CDIN1: variants seen among roughly 807,000 people sequenced by gnomAD.
CDIN1 encodes the protein CDAN1-interacting nuclease 1.
CDIN1 carries 33 observed loss-of-function variants against 45.3 expected under a neutral mutation model. The ratio of observed to expected loss-of-function variants is 0.73; its 90% CI spans 0.55 to 0.97. The LOEUF is 0.97. Among genes scored for constraint, CDIN1 ranks in the 50% least tolerant of loss-of-function variants. The pLI is 0.00. For missense variants in CDIN1, 303 were observed against 339.4 expected, an observed-to-expected ratio of 0.89 and a Z score of 0.84; for synonymous variants, 118 against 124.4, an observed-to-expected ratio of 0.95 and a Z score of 0.34.
chr15:36,732,743 CAGG>C (rs954279889), intron 10 of CDIN1, among the ~76,000 whole-genome samples: 72 of 152,064 alleles, frequency 4.7e-4, no homozygotes, highest in African/African-American at 1.5e-3. Flanking sequence ...TAAAAAAAGT[CAGG>C]GGAATTATCT....
intron 1 of CDIN1, 37 bp downstream of exon 1, chr15:36,579,998 C>T (rs775187151): frequency 1.4e-5 from 22 of 1,583,116 alleles, no homozygotes; most frequent in Non-Finnish European, 1.7e-5. Flanking sequence ...AGCCCTTTGC[C>T]TGCAGCAGCA....
intron 5 of CDIN1, among the ~76,000 whole-genome samples, chr15:36,679,946 C>T (rs2041791692): frequency 6.6e-6 from 1 of 152,138 alleles, no homozygotes; most frequent in African/African-American, 2.4e-5. Context: ...GGCCAAATTG[C>T]CAAATAATGA....
At chr15:36,636,281 G>A (rs560741801) in intron 1 of CDIN1, among the ~76,000 whole-genome samples, 119 of 152,272 alleles carry the variant, frequency 7.8e-4, no homozygotes, top group African/African-American at 2.4e-3. Flanking sequence ...GGCCAGGCGC[G>A]GTGGCTCACG....
intron 5 of CDIN1, among the ~76,000 whole-genome samples, chr15:36,678,912 C>T (rs1250419012): frequency 6.6e-6 from 1 of 152,184 alleles, no homozygotes; most frequent in Non-Finnish European, 1.5e-5. Context: ...CTAAGGAAAG[C>T]AAGAGCTATA....
chr15:36,690,300 G>A (rs113432539), intron 5 of CDIN1, among the ~76,000 whole-genome samples: 6 of 149,130 alleles, frequency 4.0e-5, no homozygotes, highest in East Asian at 2.0e-4. Flanking sequence ...ACAGAGTCTC[G>A]CTCCGTTGCC....
At chr15:36,592,786 C>A (rs1382393891) in intron 1 of CDIN1, among the ~76,000 whole-genome samples, 6 of 151,864 alleles carry the variant, frequency 4.0e-5, no homozygotes, top group African/African-American at 1.5e-4. Flanking sequence ...ATATACATGT[C>A]TCATTTAGAA....
chr15:36,655,859 A>G (rs949943075), intron 4 of CDIN1, among the ~76,000 whole-genome samples: 1 of 152,206 alleles, frequency 6.6e-6, no homozygotes, highest in Non-Finnish European at 1.5e-5. Context: ...ATTTATATTC[A>G]TTTGAATTTT....
intron 1 of CDIN1, among the ~76,000 whole-genome samples, chr15:36,624,483 T>C (rs1399629015): frequency 6.6e-6 from 1 of 152,218 alleles, no homozygotes; most frequent in Non-Finnish European, 1.5e-5. Flanking sequence ...GTCCATATCA[T>C]GATGATGATG....
At chr15:36,608,634 G>A (rs1400442742) in intron 1 of CDIN1, among the ~76,000 whole-genome samples, 1 of 151,394 alleles carries the variant, frequency 6.6e-6, no homozygotes, top group Non-Finnish European at 1.5e-5. Context: ...TTTATTTATG[G>A]TGTCCTTGAG....
intron 1 of CDIN1, among the ~76,000 whole-genome samples, chr15:36,632,447 T>G (rs778908626): frequency 4.6e-5 from 7 of 152,202 alleles, no homozygotes; most frequent in Non-Finnish European, 8.8e-5. Flanking sequence ...CTGACAGGTC[T>G]TCATGCCCAG....
chr15:36,696,832 C>T (rs1251611563), intron 7 of CDIN1, among the ~76,000 whole-genome samples: 2 of 151,332 alleles, frequency 1.3e-5, no homozygotes, highest in South Asian at 2.1e-4. Context: ...ATAGAAAATG[C>T]TGGACACAGT....
At chr15:36,745,945 G>A (rs968085267) in intron 10 of CDIN1, among the ~76,000 whole-genome samples, 1 of 152,066 alleles carries the variant, frequency 6.6e-6, no homozygotes, top group Admixed American at 6.6e-5. Context: ...CAGCCTGGGC[G>A]ACAGAGTGAG....
chr15:36,725,496 A>C (rs1321952528), intron 10 of CDIN1, among the ~76,000 whole-genome samples: 1 of 152,206 alleles, frequency 6.6e-6, no homozygotes, highest in Non-Finnish European at 1.5e-5. Flanking sequence ...TATGTTTTAT[A>C]GTCTATCTTT....
chr15:36,767,068 G>A lies in CDIN1; in HGVS notation c.717-41256G>A, dbSNP rs958222588. Among the ~76,000 whole-genome samples, 13 of 152,122 alleles carry A rather than the reference G, an allele frequency of 8.5e-5. No homozygotes were observed. The South Asian group carries it at 2.5e-3, about 29-fold the overall frequency. On this transcript the variant is annotated intron_variant, in intron 10 of 10. Coordinates refer to ENST00000566621, the MANE Select transcript of CDIN1 (RefSeq NM_001321759.2). ...TTTCTTCTAAGGGTTTTACAGTTCAGGTCTTATATATGTTTTTAATTCACT... is the reference window on the plus strand; with the variant it reads ...TTTCTTCTAAGGGTTTTACAGTTCAAGTCTTATATATGTTTTTAATTCACT...
intron 1 of CDIN1, among the ~76,000 whole-genome samples, chr15:36,623,368 A>G (rs896784498): frequency 2.0e-5 from 3 of 152,202 alleles, no homozygotes; most frequent in African/African-American, 7.2e-5. Context: ...AATTTTAAAC[A>G]TACTGTCAAT....
chr15:36,666,292 C>A (rs147279080), intron 5 of CDIN1, among the ~76,000 whole-genome samples: 1 of 152,086 alleles, frequency 6.6e-6, no homozygotes, highest in African/African-American at 2.4e-5. Flanking sequence ...TCCTCTACCC[C>A]CACTGATGAA....
At chr15:36,697,556 A>G (rs2042478741) in intron 8 of CDIN1, among the ~76,000 whole-genome samples, 166 bp downstream of exon 8, 1 of 152,198 alleles carries the variant, frequency 6.6e-6, no homozygotes, top group African/African-American at 2.4e-5. Flanking sequence ...AATCTCCTAT[A>G]TATACAGCAC....
chr15:36,663,802 A>C (rs185576526), intron 5 of CDIN1, among the ~76,000 whole-genome samples: 2 of 152,352 alleles, frequency 1.3e-5, no homozygotes, highest in East Asian at 3.9e-4. Context: ...ACTTTTAAAT[A>C]GATTTGGTAT....
At chr15:36,690,265 A>G (rs1470813564) in intron 5 of CDIN1, among the ~76,000 whole-genome samples, 2 of 151,900 alleles carry the variant, frequency 1.3e-5, no homozygotes, top group African/African-American at 2.4e-5. Flanking sequence ...GTATTTACTA[A>G]CATTTTTTTC....
Sources: allele counts gnomAD v4.1 joint callset (sites outside exome capture counted in the v4.1 genomes callset), GRCh38; gene constraint gnomAD v4.1.1; transcripts MANE v1.5; gene names NCBI Gene and HGNC (gene_info 2026-07-23, HGNC 2026-07-21).